ARMC9: variants seen among roughly 807,000 people sequenced by gnomAD.
ARMC9 encodes the protein armadillo repeat containing 9, also known as lisH domain-containing protein ARMC9.
Under a neutral mutation model 107.0 loss-of-function variants are expected in ARMC9, and 94 were observed. The ratio of observed to expected loss-of-function variants is 0.88; its 90% CI spans 0.74 to 1.04. The LOEUF is 1.04. ARMC9 is among the 50% of genes least tolerant of loss of function. The pLI is 0.00. For synonymous variants in ARMC9, 380 were observed against 396.9 expected, an observed-to-expected ratio of 0.96 and a Z score of 0.51; for missense variants, 942 against 1,030.1, an observed-to-expected ratio of 0.91 and a Z score of 1.17.
chr2:231,329,655 A>G (rs1390064798), intron 19 of ARMC9, among the ~76,000 whole-genome samples: 1 of 152,164 alleles, frequency 6.6e-6, no homozygotes, highest in Non-Finnish European at 1.5e-5. Flanking sequence ...CAAATGTTGT[A>G]TATGTTTTGT....
chr2:231,238,981 G>C (rs116072284), intron 8 of ARMC9, among the ~76,000 whole-genome samples: 3,145 of 152,334 alleles, frequency 0.021, 53 homozygotes, highest in Non-Finnish European at 0.029. Context: ...TCCCATGCAA[G>C]TGGATGAGCA....
chr2:231,301,832 A>G (rs2041747367), intron 19 of ARMC9, among the ~76,000 whole-genome samples: 1 of 152,094 alleles, frequency 6.6e-6, no homozygotes, highest in Non-Finnish European at 1.5e-5. Flanking sequence ...TACAAAAATC[A>G]GCTGGGCGTG....
At chr2:231,230,970 T>G (rs1320424997) in intron 7 of ARMC9, among the ~76,000 whole-genome samples, 1 of 152,248 alleles carries the variant, frequency 6.6e-6, no homozygotes, top group African/African-American at 2.4e-5. Context: ...TATTGCCTGC[T>G]TCTCTCTTTC....
At chr2:231,210,568 G>A (rs541416639) in intron 3 of ARMC9, among the ~76,000 whole-genome samples, 1 of 152,362 alleles carries the variant, frequency 6.6e-6, no homozygotes, top group East Asian at 1.9e-4. Flanking sequence ...ACTCTTTTGT[G>A]AAGTTCACAC....
intron 17 of ARMC9, among the ~76,000 whole-genome samples, chr2:231,283,192 G>A (rs997654480): frequency 6.6e-6 from 1 of 152,120 alleles, no homozygotes; most frequent in African/African-American, 2.4e-5. Flanking sequence ...GACAACTTCC[G>A]AAACCTATGT....
intron 23 of ARMC9, among the ~76,000 whole-genome samples, chr2:231,367,805 A>G (rs2045874694): frequency 6.6e-6 from 1 of 152,066 alleles, no homozygotes. Flanking sequence ...CAACATTGTG[A>G]AACCCTGTCT....
intron 13 of ARMC9, among the ~76,000 whole-genome samples, chr2:231,272,566 G>C (rs1216477873): frequency 6.6e-6 from 1 of 151,938 alleles, no homozygotes; most frequent in Non-Finnish European, 1.5e-5. Context: ...ATTCAGGCTA[G>C]AGTGTGGTGG....
At position 231,374,801 on chromosome 2, in the gene ARMC9, T is replaced by A. The variant is rs563428561; in HGVS notation, c.*3266T>A. 20 of 152,324 alleles carry A rather than the reference T, an allele frequency of 1.3e-4. No individual in the cohort carries two copies. Among genetic ancestry groups the A allele is most frequent in the South Asian group, 2.1e-4 (1 of 4,822 alleles). The allele number at this position is 152,324 out of a possible 1,614,324, so 9.4% of individuals were successfully genotyped here. A position where few individuals can be genotyped will look rare whatever the true frequency, so the allele number is the denominator to read the frequency against. On this transcript the variant is annotated 3_prime_UTR_variant, in exon 25 of 25. Transcript: ENST00000611582. ...CCAGAGATACCAATTTGATTTTTTT[T>A]AAATATTACATTAAAATATTACATC...
At chr2:231,348,794 A>G (rs1410219876) in intron 21 of ARMC9, among the ~76,000 whole-genome samples, 1 of 152,250 alleles carries the variant, frequency 6.6e-6, no homozygotes, top group African/African-American at 2.4e-5. Flanking sequence ...GACATTTCTC[A>G]AAAGAAGACA....
chr2:231,219,847 G>A (rs961832103), intron 5 of ARMC9, among the ~76,000 whole-genome samples: 1 of 150,856 alleles, frequency 6.6e-6, no homozygotes, highest in East Asian at 1.9e-4. Flanking sequence ...TTTCTTTTTA[G>A]TATTAAAGAG....
intron 19 of ARMC9, among the ~76,000 whole-genome samples, chr2:231,300,289 A>G (rs952834572): frequency 2.0e-5 from 3 of 152,258 alleles, no homozygotes; most frequent in Non-Finnish European, 2.9e-5. Context: ...ATTTCCTTCT[A>G]TACAAAGTGC....
chr2:231,211,260 C>T (rs2032819610), intron 3 of ARMC9, among the ~76,000 whole-genome samples: 3 of 151,990 alleles, frequency 2.0e-5, no homozygotes, highest in Middle Eastern at 3.4e-3. Flanking sequence ...GTGGCTCATG[C>T]CTGTAATCCC....
chr2:231,216,546 G>A, intron 4 of ARMC9, 92 bp from the exon 5 acceptor site: 9 of 1,415,632 alleles, frequency 6.4e-6, no homozygotes, highest in Non-Finnish European at 8.7e-6. Flanking sequence ...CGACACGACT[G>A]GGACAGAAGG....
At chr2:231,365,162 G>T (rs1438252203) in intron 23 of ARMC9, among the ~76,000 whole-genome samples, 1 of 152,236 alleles carries the variant, frequency 6.6e-6, no homozygotes, top group Non-Finnish European at 1.5e-5. Context: ...GAGAAACCAT[G>T]TGGAAAGGAA....
At chr2:231,304,743 A>T (rs899014928) in intron 19 of ARMC9, among the ~76,000 whole-genome samples, 2 of 152,234 alleles carry the variant, frequency 1.3e-5, no homozygotes, top group Admixed American at 1.3e-4. Context: ...ATTGTGTATT[A>T]TCAACACCAA....
chr2:231,352,918 T>C (rs2045167308), intron 21 of ARMC9, among the ~76,000 whole-genome samples: 1 of 125,066 alleles, frequency 8.0e-6, no homozygotes, highest in Admixed American at 7.1e-5. Context: ...ATACAAAAAT[T>C]TGGCCGGGCG....
intron 12 of ARMC9, among the ~76,000 whole-genome samples, chr2:231,267,815 C>T (rs919724659): frequency 3.3e-5 from 5 of 152,292 alleles, no homozygotes; most frequent in African/African-American, 1.2e-4. Context: ...CTTTGGAACA[C>T]GGGCAGCGTT....
intron 22 of ARMC9, among the ~76,000 whole-genome samples, chr2:231,357,659 G>A (rs922240018): frequency 6.6e-6 from 1 of 152,168 alleles, no homozygotes; most frequent in Non-Finnish European, 1.5e-5. Flanking sequence ...GCTCACTGCA[G>A]CCTCACATTC....
intron 16 of ARMC9, among the ~76,000 whole-genome samples, chr2:231,279,453 A>T (rs2040025472): frequency 6.6e-6 from 1 of 151,344 alleles, no homozygotes; most frequent in Non-Finnish European, 1.5e-5. Context: ...ATTGAGTACC[A>T]CTTGGTTTCC....
Sources: gnomAD v4.1 joint callset for allele counts (sites outside exome capture counted in the v4.1 genomes callset) on GRCh38, gnomAD v4.1.1 for gene constraint, MANE v1.5 for transcripts, NCBI Gene and HGNC (gene_info 2026-07-23, HGNC 2026-07-21) for gene names.